CSF1R: variants seen among roughly 807,000 people sequenced by gnomAD.
CSF1R encodes macrophage colony-stimulating factor 1 receptor.
In CSF1R, 40 loss-of-function variants were observed where a neutral mutation model predicts 110.0. The observed-to-expected ratio is 0.36, with a 90% CI of 0.28 to 0.47. CSF1R has a LOEUF of 0.47. CSF1R is among the 20% of genes least tolerant of loss of function. The pLI is 0.99. For synonymous variants in CSF1R, 523 were observed against 503.4 expected (o/e 1.04, Z -0.52); for missense variants, 1,052 against 1,253.0 (o/e 0.84, Z 2.42).
intron 1 of CSF1R, among the ~76,000 whole-genome samples, chr5:150,101,399 GTA>G (rs1759398728): frequency 6.6e-6 from 1 of 152,184 alleles, no homozygotes; most frequent in South Asian, 2.1e-4. Flanking sequence ...GTGTTTATTG[GTA>G]TATGTCACTG....
chr5:150,110,528 A>C (rs1270450198), intron 1 of CSF1R, among the ~76,000 whole-genome samples: 1 of 152,258 alleles, frequency 6.6e-6, no homozygotes, highest in Non-Finnish European at 1.5e-5. Context: ...AAATGAATGC[A>C]TTAATATCTG....
Position 150,057,497 on chromosome 5 carries a change from T to C in CSF1R, c.2221+7A>G. 1.2e-6 allele frequency: 2 copies of C among 1,613,916 alleles called. No individual in the cohort carries two copies. Among genetic ancestry groups the C allele is most frequent in the Non-Finnish European group, 1.7e-6 (2 of 1,179,804 alleles). ...GCAAATGGGGCCTGGCCCTGGGACCTCCTCACCTTGCTCAGAGAAGGAGTC... is the reference window on the plus strand; with the variant it reads ...GCAAATGGGGCCTGGCCCTGGGACCCCCTCACCTTGCTCAGAGAAGGAGTC... On this transcript the variant is annotated splice_region_variant and intron_variant, in intron 15 of 20. Coordinates refer to ENST00000675795, the MANE Select transcript of CSF1R (RefSeq NM_001288705.3).
Position 150,080,047 on chromosome 5 carries a change from C to G in CSF1R, c.592+5G>C. ...CCTGGCTGCCGGTCCCCATGCCCCA[C>G]GCACCTTTCTGCACTTTCAGCCGGA... On this transcript the variant is annotated splice_donor_5th_base_variant and intron_variant, in intron 3 of 20. Coordinates refer to ENST00000675795, the MANE Select transcript of CSF1R (RefSeq NM_001288705.3). 1 of 1,611,618 alleles carries G rather than the reference C, an allele frequency of 6.2e-7. No individual in the cohort carries two copies. The highest frequency in any genetic ancestry group is 8.5e-7 in the Non-Finnish European group (1 of 1,178,192).
chr5:150,090,996 C>A (rs536949104), upstream of CSF1R, among the ~76,000 whole-genome samples: 1 of 152,112 alleles, frequency 6.6e-6, no homozygotes, highest in South Asian at 2.1e-4. Context: ...AAAAAACAGG[C>A]AAAACATTGA....
intron 3 of CSF1R, among the ~76,000 whole-genome samples, chr5:150,079,695 T>G (rs1026697104): frequency 6.6e-6 from 1 of 152,274 alleles, no homozygotes; most frequent in African/African-American, 2.4e-5. Context: ...CACAGCCACC[T>G]TCTTCATGTC....
chr5:150,080,912 T>C lies in CSF1R; in HGVS notation c.162A>G (p.Pro54=), dbSNP rs139516059. 3.1e-6 allele frequency: 5 copies of C among 1,614,002 alleles called. No homozygotes were observed. In the African/African-American group the frequency reaches 5.3e-5, roughly 17 times the overall value. Residue 54 remains proline (P), a synonymous_variant, in exon 2 of 21, where the codon CCA becomes CCG. Transcript: ENST00000675795. ...GNGSVEWDGP[P]SPHWTLYSDG... ...CAGAGTACAGGGTCCAGTGAGGTGA[T>C]GGGGGGCCATCCCATTCCACGCTGC... is the stretch of plus-strand genomic sequence containing the variant.
chr5:150,099,249 T>G (rs1287593212), intron 1 of CSF1R, among the ~76,000 whole-genome samples: 2 of 151,944 alleles, frequency 1.3e-5, no homozygotes, highest in South Asian at 2.1e-4. Flanking sequence ...GTATTGGTAG[T>G]CAGGATGCAA....
chr5:150,069,851 G>A (rs765257996), intron 9 of CSF1R, 22 bp downstream of exon 9: 88 of 1,577,480 alleles, frequency 5.6e-5, no homozygotes, highest in South Asian at 5.4e-4. Flanking sequence ...GGGGCGGTGC[G>A]GGTGCGAAGG....
At chr5:150,101,125 C>T (rs534357983) in intron 1 of CSF1R, among the ~76,000 whole-genome samples, 11 of 151,614 alleles carry the variant, frequency 7.3e-5, no homozygotes, top group African/African-American at 1.2e-4. Flanking sequence ...TGGGCTTGGT[C>T]GTGCAGGTGC....
In CSF1R at chr5:150,053,625, A is replaced by C; in HGVS notation, c.*444T>G. 3.5e-6 allele frequency: 1 copy of C among 282,004 alleles called. No individual in the cohort carries two copies. The highest frequency in any genetic ancestry group is 4.7e-5 in the Admixed American group (1 of 21,146). 17.5% of individuals were successfully genotyped at this position (282,004 alleles called of 1,614,324 possible). A position where few individuals can be genotyped will look rare whatever the true frequency, so the allele number is the denominator to read the frequency against. ...GGGCCTGAGCTGAGTGTGGTCTGTG[A>C]GCATCTGCTGCTCCTCTCAGAGAGG... On this transcript the variant is annotated 3_prime_UTR_variant, in exon 21 of 21. Transcript: ENST00000675795.
chr5:150,091,808 CA>C lies in CSF1R; in HGVS notation c.-180-5202del, dbSNP rs1048398964. On this transcript the variant is annotated intron_variant, in intron 1 of 21. Transcript: ENST00000286301. ...GAGAAGGGATAAAGATTATCTTTGA[CA>C]AACAAAAACTAAGAGAATTCATTGC... Among the ~76,000 whole-genome samples the C allele has an allele frequency of 8.4e-5, 6 of 71,146 alleles. No homozygotes were observed. In the Admixed American group the frequency reaches 1.1e-3, roughly 13 times the overall value. 46.7% of individuals were successfully genotyped at this position (71,146 alleles called of 152,430 possible). A position where few individuals can be genotyped will look rare whatever the true frequency, so the allele number is the denominator to read the frequency against.
intron 6 of CSF1R, among the ~76,000 whole-genome samples, chr5:150,070,789 G>GT (rs554248750): frequency 2.0e-4 from 31 of 152,298 alleles, no homozygotes; most frequent in Admixed American, 1.7e-3. Flanking sequence ...ATCTGAAAGT[G>GT]TTTTTTTCCC....
chr5:150,095,626 A>G (rs1759196206), intron 1 of CSF1R, among the ~76,000 whole-genome samples: 1 of 152,140 alleles, frequency 6.6e-6, no homozygotes, highest in East Asian at 1.9e-4. Context: ...AAAGAAGAAC[A>G]AATTAAATCC....
At chr5:150,057,743 G>A in intron 14 of CSF1R, 151 bp from the exon 15 acceptor site, 1 of 635,538 alleles carries the variant, frequency 1.6e-6, no homozygotes, top group Non-Finnish European at 2.8e-6. Flanking sequence ...GTGAGCATTG[G>A]TCTCTGCTCG....
rs1466010781 is a variant in CSF1R at position 150,080,749 on chromosome 5, G to A, written c.307+18C>T. ...CCTGCCGGGTCAGGCCTCTTGGGAG[G>A]AGGCTCAGACTCCTCACCTTTGACA... On this transcript the variant is annotated intron_variant, in intron 2 of 20. Coordinates refer to ENST00000675795, the MANE Select transcript of CSF1R (RefSeq NM_001288705.3). 2.5e-6 allele frequency: 4 copies of A among 1,613,738 alleles called. No homozygotes were observed. The highest frequency in any genetic ancestry group is 2.5e-6 in the Non-Finnish European group (3 of 1,179,788).
intron 10 of CSF1R, among the ~76,000 whole-genome samples, chr5:150,067,364 C>A (rs992904230): frequency 6.6e-6 from 1 of 152,138 alleles, no homozygotes; most frequent in African/African-American, 2.4e-5. Flanking sequence ...GGTTAAAAAC[C>A]AGACTCTGCC....
rs2113810141 is a variant in CSF1R, at chr5:150,070,537, G to T, written c.1117C>A (p.Pro373Thr). The change falls in exon 7 of 21, where the codon CCC (proline) becomes ACC (threonine). Residue 373 changes from proline to threonine, a missense_variant. Physicochemically the swap from Pro to Thr is conservative, Grantham distance 38. Coordinates refer to ENST00000675795, the MANE Select transcript of CSF1R (RefSeq NM_001288705.3). ...AAGGAGTAGCGGCCAGCCTCAGAGG[G>T]CTTCAGGCGGGGCAGAGAGAGGGTG... ...TFTLSLPRLK[P>T]SEAGRYSFLA... 2 of 1,548,910 alleles carry T rather than the reference G, an allele frequency of 1.3e-6. No homozygotes were observed. The highest frequency in any genetic ancestry group is 1.7e-6 in the Non-Finnish European group (2 of 1,146,058).
intron 13 of CSF1R, among the ~76,000 whole-genome samples, 194 bp downstream of exon 13, chr5:150,060,668 C>G (rs547069019): frequency 6.6e-6 from 1 of 152,312 alleles, no homozygotes; most frequent in South Asian, 2.1e-4. Flanking sequence ...CTCTTTATAC[C>G]TCAAGCTGCC....
chr5:150,064,309 TTTTTA>T (rs1260641206), intron 10 of CSF1R, among the ~76,000 whole-genome samples: 2 of 152,206 alleles, frequency 1.3e-5, no homozygotes, highest in Non-Finnish European at 2.9e-5. Context: ...AATGTGGACA[TTTTTA>T]AAGAGAGAGA....
Sources: allele counts gnomAD v4.1 joint callset (sites outside exome capture counted in the v4.1 genomes callset), GRCh38; gene constraint gnomAD v4.1.1; transcripts MANE v1.5; gene names NCBI Gene and HGNC (gene_info 2026-07-23, HGNC 2026-07-21).